Variants in GALK2 observed in about 807,000 individuals in gnomAD.
GALK2 encodes the protein N-acetylgalactosamine kinase.
A neutral mutation model predicts 52.4 loss-of-function variants in GALK2; 36 were observed. The observed-to-expected ratio is 0.69, with a 90% CI of 0.53 to 0.91. The LOEUF (loss-of-function observed/expected upper bound fraction) is 0.91, where lower values mean the gene tolerates loss of function less well. GALK2 is among the 40% of genes least tolerant of loss of function. GALK2 has a pLI of 0.00. For synonymous variants in GALK2, 176 were observed against 199.1 expected, an observed-to-expected ratio of 0.88 and a Z score of 0.98; for missense variants, 579 against 559.1, an observed-to-expected ratio of 1.04 and a Z score of -0.36.
intron 1 of GALK2, among the ~76,000 whole-genome samples, chr15:49,171,470 C>T (rs2085090968): frequency 6.6e-6 from 1 of 152,092 alleles, no homozygotes; most frequent in African/African-American, 2.4e-5. Context: ...GGTTTATTAC[C>T]ACCGTGTGTC....
At chr15:49,219,221 G>T (rs1183517650) in intron 3 of GALK2, among the ~76,000 whole-genome samples, 1 of 152,080 alleles carries the variant, frequency 6.6e-6, no homozygotes, top group Non-Finnish European at 1.5e-5. Flanking sequence ...GAGGAACCTG[G>T]TAGGAGGTAA....
At chr15:49,167,344 A>T (rs1460206606), upstream of GALK2, among the ~76,000 whole-genome samples, 1 of 152,090 alleles carries the variant, frequency 6.6e-6, no homozygotes, top group East Asian at 1.9e-4. Flanking sequence ...GTAAAATATA[A>T]ATGTTTAAAT....
Position 49,328,628 on chromosome 15 carries a change from T to A in GALK2, c.*469T>A. 1 of 1,582,398 alleles carries A rather than the reference T, an allele frequency of 6.3e-7. No homozygotes were observed. Among genetic ancestry groups the A allele is most frequent in the East Asian group, 2.3e-5 (1 of 44,208 alleles). ...TTGATGATGGTGATGATGATGATGATGACGATAGTGATGCCACACATTCTC... is the reference window on the plus strand; with the variant it reads ...TTGATGATGGTGATGATGATGATGAAGACGATAGTGATGCCACACATTCTC... On this transcript the variant is annotated 3_prime_UTR_variant, in exon 10 of 10. Coordinates refer to ENST00000560031, the MANE Select transcript of GALK2 (RefSeq NM_002044.4).
At chr15:49,335,189 G>T (rs1418183293), downstream of GALK2, among the ~76,000 whole-genome samples, 1 of 152,098 alleles carries the variant, frequency 6.6e-6, no homozygotes, top group Non-Finnish European at 1.5e-5. Context: ...CACCCCTCCA[G>T]TCACACCAAG....
chr15:49,356,461 C>T (rs1467123012), intron 3 of GALK2, among the ~76,000 whole-genome samples: 12 of 150,148 alleles, frequency 8.0e-5, no homozygotes, highest in African/African-American at 2.9e-4. Flanking sequence ...AGACTTTAAA[C>T]CAACAAAGAT....
At chr15:49,313,069 C>T (rs1041996082) in intron 8 of GALK2, among the ~76,000 whole-genome samples, 1 of 152,154 alleles carries the variant, frequency 6.6e-6, no homozygotes, top group Non-Finnish European at 1.5e-5. Context: ...CTAAGTGTCA[C>T]ATAGTTGGGA....
intron 3 of GALK2, among the ~76,000 whole-genome samples, chr15:49,362,365 G>A (rs1420125338): frequency 1.3e-5 from 2 of 152,160 alleles, no homozygotes; most frequent in Non-Finnish European, 2.9e-5. Context: ...ATTCTGCTGT[G>A]ATTGTAAGTT....
chr15:49,328,760 T>C lies in GALK2; in HGVS notation c.*601T>C. 4 of 1,453,770 alleles carry C rather than the reference T, an allele frequency of 2.8e-6. No homozygotes were observed. In the South Asian group the frequency reaches 5.9e-5, roughly 22 times the overall value. The allele number at this position is 1,453,770 out of a possible 1,614,324, so 90.1% of individuals were successfully genotyped here. Reference sequence around the variant, plus strand: ...TTTGAATGTGAGATTTCTCCAGTTATCAAGAGACTAAGGATTTTTTTTTTT... The same window carrying C: ...TTTGAATGTGAGATTTCTCCAGTTACCAAGAGACTAAGGATTTTTTTTTTT... On this transcript the variant is annotated 3_prime_UTR_variant, in exon 10 of 10. Transcript: ENST00000560031.
At chr15:49,201,776 A>T (rs1271165503) in intron 2 of GALK2, among the ~76,000 whole-genome samples, 1 of 152,198 alleles carries the variant, frequency 6.6e-6, no homozygotes, top group Non-Finnish European at 1.5e-5. Flanking sequence ...ATGTCCCTAT[A>T]TATAATAATT....
chr15:49,326,826 A>G (rs1373978259), intron 9 of GALK2: 4 of 152,216 alleles, frequency 2.6e-5, no homozygotes. Flanking sequence ...AAAAGAAATC[A>G]ACTGAGAAGA....
In GALK2 at chr15:49,217,313, C is replaced by T. The variant is rs149095986; in HGVS notation, c.266C>T (p.Pro89Leu). ...LQLANTNPLYPDFSTSANNIQ... is the reference protein window; with the variant it reads ...LQLANTNPLYLDFSTSANNIQ... ...CTGGCCAATACAAATCCCTTGTATC[C>T]GTGAGTATTTAAAATTGTTAGTGTG... The change falls in exon 3 of 10, where the codon CCG becomes CTG. Residue 89 changes from proline (P) to leucine (L), a missense_variant and splice_region_variant. Transcript: ENST00000560031. 102 of 1,613,304 alleles carry T rather than the reference C, an allele frequency of 6.3e-5. No individual in the cohort carries two copies. The highest frequency in any genetic ancestry group is 2.8e-4 in the Admixed American group (17 of 59,940).
At chr15:49,209,973 T>G (rs1051879301) in intron 2 of GALK2, among the ~76,000 whole-genome samples, 3 of 152,218 alleles carry the variant, frequency 2.0e-5, no homozygotes, top group African/African-American at 7.2e-5. Flanking sequence ...GAGCATTTCT[T>G]CGTTGGGAGA....
At chr15:49,180,007 C>G (rs561491217) in intron 1 of GALK2, among the ~76,000 whole-genome samples, 1 of 152,238 alleles carries the variant, frequency 6.6e-6, no homozygotes, top group East Asian at 1.9e-4. Flanking sequence ...CTTTTATAGC[C>G]TCCATGCATT....
Position 49,352,039 on chromosome 15 carries a change from G to A in GALK2, c.427-15452G>A, listed in dbSNP as rs1227378539. 2.0e-5 allele frequency among the ~76,000 whole-genome samples: 3 copies of A among 152,132 alleles called. No homozygotes were observed. In the East Asian group the frequency reaches 5.8e-4, roughly 29 times the overall value. On this transcript the variant is annotated intron_variant, in intron 3 of 3. Transcript: ENST00000558399. ...TGTAGTTGAGGTCAGTTGTTGACTG[G>A]GACTGGAGCCATCTCAAAGATTTCC...
chr15:49,358,982 T>G (rs1352015288), intron 3 of GALK2, among the ~76,000 whole-genome samples: 1 of 151,038 alleles, frequency 6.6e-6, no homozygotes, highest in Non-Finnish European at 1.5e-5. Flanking sequence ...AAACAAGCAA[T>G]GGGGAAAGGA....
intron 5 of GALK2, among the ~76,000 whole-genome samples, chr15:49,261,773 A>C (rs1171972327): frequency 6.6e-6 from 1 of 152,138 alleles, no homozygotes; most frequent in Non-Finnish European, 1.5e-5. Context: ...AGTTTTTAGC[A>C]TGAAGGGTTG....
chr15:49,267,680 A>G (rs2092404532), intron 5 of GALK2, among the ~76,000 whole-genome samples: 2 of 151,844 alleles, frequency 1.3e-5, no homozygotes, highest in African/African-American at 4.8e-5. Context: ...CTAGTTCTTT[A>G]TTTCCTCCTT....
rs113386020 is a variant in GALK2, at chr15:49,213,856, G to A, written c.143-3334G>A. On this transcript the variant is annotated intron_variant, in intron 2 of 9. Transcript: ENST00000560031. ...TTTTGGGCTGGGCATGGTGCCTCACGCCTGTAATCCCAGCACGTTGGCAGG... is the reference window on the plus strand; with the variant it reads ...TTTTGGGCTGGGCATGGTGCCTCACACCTGTAATCCCAGCACGTTGGCAGG... Among the ~76,000 whole-genome samples, 31 of 152,110 alleles carry A rather than the reference G, an allele frequency of 2.0e-4. 1 individual carries two copies. In the South Asian group the frequency reaches 3.7e-3, roughly 18 times the overall value.
At chr15:49,355,985 A>C in intron 3 of GALK2, among the ~76,000 whole-genome samples, 1 of 151,762 alleles carries the variant, frequency 6.6e-6, no homozygotes, top group Non-Finnish European at 1.5e-5. Flanking sequence ...ATATCCAGCC[A>C]AACTAAGCTT....
Sources: allele counts gnomAD v4.1 joint callset (sites outside exome capture counted in the v4.1 genomes callset), GRCh38; gene constraint gnomAD v4.1.1; transcripts MANE v1.5; gene names NCBI Gene and HGNC (gene_info 2026-07-23, HGNC 2026-07-21).